The following RBM44 variants were observed in gnomAD, a reference collection of about 807,000 sequenced individuals.
RBM44 encodes the protein RNA binding motif protein 44.
In RBM44, 66 loss-of-function variants were observed where a neutral mutation model predicts 105.1. The observed-to-expected ratio is 0.63, with a 90% CI of 0.52 to 0.77. The LOEUF (loss-of-function observed/expected upper bound fraction) is 0.77, where lower values mean the gene tolerates loss of function less well. Ranked by LOEUF, RBM44 falls within the 30% of genes least tolerant of loss-of-function variation. RBM44 has a pLI of 0.00. For synonymous variants in RBM44, 365 were observed against 417.6 expected (o/e 0.87, Z 1.54); for missense variants, 1,122 against 1,207.8 (o/e 0.93, Z 1.05).
intron 1 of RBM44, among the ~76,000 whole-genome samples, chr2:237,813,168 A>G (rs1239921451): frequency 1.3e-5 from 2 of 152,134 alleles, no homozygotes; most frequent in Admixed American, 6.5e-5. Context: ...TACTTTCTCT[A>G]TATACATTTT....
chr2:237,806,424 A>G (rs1040543524), intron 1 of RBM44, among the ~76,000 whole-genome samples: 2 of 151,956 alleles, frequency 1.3e-5, no homozygotes, highest in African/African-American at 4.8e-5. Context: ...TGCTTTTTCT[A>G]GTTTCTTAAA....
intron 1 of RBM44, among the ~76,000 whole-genome samples, chr2:237,802,272 C>T (rs763580533): frequency 2.0e-5 from 3 of 152,206 alleles, no homozygotes; most frequent in Non-Finnish European, 2.9e-5. Context: ...CAACCCCCAG[C>T]CTGAGCTCTG....
Position 237,827,241 on chromosome 2 carries a change from T to C in RBM44, c.2450-9T>C, listed in dbSNP as rs1436641957. On this transcript the variant is annotated splice_polypyrimidine_tract_variant and intron_variant, in intron 10 of 15. Transcript: ENST00000316997. ...AGATCATTTCTGTTACATGTTTTTC[T>C]CTAAGCAGAAATGAAGAATGTTGAA... 4 of 1,484,526 alleles carry C rather than the reference T, an allele frequency of 2.7e-6. No homozygotes were observed. Among genetic ancestry groups the C allele is most frequent in the South Asian group, 1.2e-5 (1 of 82,944 alleles). The allele number at this position is 1,484,526 out of a possible 1,614,324, so 92.0% of individuals were successfully genotyped here.
Position 237,821,760 on chromosome 2 carries a change from C to A in RBM44, c.2138C>A (p.Ala713Asp), listed in dbSNP as rs2061793188. ...KETHVFSEAD[A>D]EQDNQRAHDV... ...CTTTTTAGCTTTTCAGAAGCAGATGCTGAACAAGATAATCAGAGGGCTCAT... is the reference window on the plus strand; with the variant it reads ...CTTTTTAGCTTTTCAGAAGCAGATGATGAACAAGATAATCAGAGGGCTCAT... Residue 713 changes from alanine to aspartate, a missense_variant, in exon 8 of 16, where the codon GCT (alanine) becomes GAT (aspartate). Around this residue, in one of 3 missense-constraint regions of RBM44, gnomAD observed 918 missense variants for 955.3 expected, o/e 0.96. Coordinates refer to ENST00000316997, the MANE Select transcript of RBM44 (RefSeq NM_001080504.3). The A allele has an allele frequency of 6.2e-7, 1 of 1,610,210 alleles. No homozygotes were observed. The highest frequency in any genetic ancestry group is 8.5e-7 in the Non-Finnish European group (1 of 1,177,378).
At chr2:237,807,393 G>T (rs541957973) in intron 1 of RBM44, among the ~76,000 whole-genome samples, 2 of 152,272 alleles carry the variant, frequency 1.3e-5, no homozygotes, top group East Asian at 3.9e-4. Context: ...TAAGTGATCT[G>T]CCACCTTGGC....
chr2:237,811,233 C>T (rs573277393), intron 1 of RBM44, among the ~76,000 whole-genome samples: 174 of 152,170 alleles, frequency 1.1e-3, no homozygotes, highest in African/African-American at 4.1e-3. Context: ...CTTATCCCTT[C>T]GATGCTTTAT....
chr2:237,808,446 T>A (rs1158665416), intron 1 of RBM44, among the ~76,000 whole-genome samples: 1 of 145,764 alleles, frequency 6.9e-6, no homozygotes, highest in East Asian at 2.0e-4. Context: ...CAAGGCCCTG[T>A]CCCCTCACCC....
chr2:237,816,566 T>C (rs1365401436), intron 2 of RBM44, among the ~76,000 whole-genome samples: 3 of 152,130 alleles, frequency 2.0e-5, no homozygotes, highest in Non-Finnish European at 4.4e-5. Flanking sequence ...TATTTTCTCA[T>C]AGTTTTGGAG....
At position 237,817,859 on chromosome 2, in the gene RBM44, G is replaced by T. The variant is rs535325307; in HGVS notation, c.940G>T (p.Gly314Cys). 6.2e-7 allele frequency: 1 copy of T among 1,610,524 alleles called. No individual in the cohort carries two copies. The highest frequency in any genetic ancestry group is 2.2e-5 in the East Asian group (1 of 44,822). Residue 314 changes from glycine (G) to cysteine (C), a missense_variant, in exon 3 of 16, where the codon GGT (glycine) becomes TGT (cysteine). By Grantham distance (159) the Gly-to-Cys change is radical (BLOSUM62 -3). This residue lies in a region of RBM44 where 918 missense variants were observed against 955.3 expected (regional missense o/e 0.96). Coordinates refer to ENST00000316997, the MANE Select transcript of RBM44 (RefSeq NM_001080504.3). Reference sequence around the variant, plus strand: ...AAACCAGGAATCTCAATCTAAGAGTGGTTCCTTGAGCCCTCAAAAAGTATT... The same window carrying T: ...AAACCAGGAATCTCAATCTAAGAGTTGTTCCTTGAGCCCTCAAAAAGTATT... ...PGNQESQSKS[G>C]SLSPQKVLKM...
chr2:237,826,951 A>T (rs2061853685), intron 10 of RBM44, among the ~76,000 whole-genome samples: 1 of 152,148 alleles, frequency 6.6e-6, no homozygotes, highest in African/African-American at 2.4e-5. Flanking sequence ...ATACTGAGGG[A>T]CAACAATTAC....
intron 1 of RBM44, among the ~76,000 whole-genome samples, chr2:237,810,176 A>G (rs1432931832): frequency 2.0e-5 from 3 of 152,240 alleles, no homozygotes; most frequent in Non-Finnish European, 1.5e-5. Flanking sequence ...CACCTACAGA[A>G]CATCTCAATT....
rs780466978 is a variant in RBM44 at position 237,834,054 on chromosome 2, G to A, written c.2944G>A (p.Val982Ile). The A allele has an allele frequency of 5.7e-5, 89 of 1,575,062 alleles. No individual in the cohort carries two copies. The highest frequency in any genetic ancestry group is 1.7e-4 in the Middle Eastern group (1 of 5,968). ...TGCTAAATTATTACCTGATACACCCGTTCAATTCATACCTCCAAATACATT... is the reference window on the plus strand; with the variant it reads ...TGCTAAATTATTACCTGATACACCCATTCAATTCATACCTCCAAATACATT... The part of the protein sequence containing the change: ...ESAKLLPDTP[V>I]QFIPPNTLNL... Residue 982 changes from valine to isoleucine, a missense_variant, in exon 14 of 16, where the codon GTT becomes ATT. Coordinates refer to ENST00000316997, the MANE Select transcript of RBM44 (RefSeq NM_001080504.3).
In RBM44 at chr2:237,821,347, T is replaced by C; in HGVS notation, c.2099T>C (p.Leu700Pro). ...LSTFSTFASR[L>P]MKKETHVFSE... ...TTTTTTCCTTTTCTCTCCTTCCAGC[T>C]AATGAAAAAAGAAACACATGTGTGA... Residue 700 changes from leucine to proline, a missense_variant and splice_region_variant, in exon 7 of 16, where the codon CTA (leucine) becomes CCA (proline). By Grantham distance (98) the Leu-to-Pro change is moderately conservative. Coordinates refer to ENST00000316997, the MANE Select transcript of RBM44 (RefSeq NM_001080504.3). 1 of 1,562,926 alleles carries C rather than the reference T, an allele frequency of 6.4e-7. No homozygotes were observed. Among genetic ancestry groups the C allele is most frequent in the Admixed American group, 1.9e-5 (1 of 52,740 alleles).
chr2:237,840,321 G>C (rs2062000171), intron 15 of RBM44, among the ~76,000 whole-genome samples: 1 of 151,788 alleles, frequency 6.6e-6, no homozygotes, highest in South Asian at 2.1e-4. Context: ...ATGGAGAAAG[G>C]ACTCCCTATT....
In RBM44 at chr2:237,816,134, A is replaced by G. The variant is rs1265554928; in HGVS notation, c.74-859A>G. Among the ~76,000 whole-genome samples, 3 of 152,326 alleles carry G rather than the reference A, an allele frequency of 2.0e-5. 1 individual carries two copies. The highest frequency in any genetic ancestry group is 4.1e-4 in the South Asian group (2 of 4,830). Reference sequence around the variant, plus strand: ...TGTACTTGCGTTGGATTTGCCTAAAATAATTTTGTCTATTTTGTTTCAAAA... The same window carrying G: ...TGTACTTGCGTTGGATTTGCCTAAAGTAATTTTGTCTATTTTGTTTCAAAA... On this transcript the variant is annotated intron_variant, in intron 2 of 15. Transcript: ENST00000316997.
At chr2:237,821,313 A>G (rs377588272) in intron 6 of RBM44, 33 bp from the exon 7 acceptor site, 1 of 1,561,084 alleles carries the variant, frequency 6.4e-7, no homozygotes, top group South Asian at 1.2e-5. Flanking sequence ...AACATTTTAA[A>G]CAAAGATTTT....
Position 237,842,724 on chromosome 2 carries a change from A to G in RBM44, c.*908A>G, listed in dbSNP as rs536103770. On this transcript the variant is annotated 3_prime_UTR_variant, in exon 16 of 16. Transcript: ENST00000316997. ...TAAATGTTTATAGCATTCAATGTGT[A>G]GTTGGATTTACTTGACTAAAAATTA... is the stretch of plus-strand genomic sequence containing the variant. The G allele has an allele frequency of 3.9e-5, 6 of 152,082 alleles. No homozygotes were observed. Among genetic ancestry groups the G allele is most frequent in the Non-Finnish European group, 7.4e-5 (5 of 67,924 alleles). The allele number at this position is 152,082 out of a possible 1,614,324, so 9.4% of individuals were successfully genotyped here.
At chr2:237,828,340 CAT>C (rs1442776647) in intron 12 of RBM44, among the ~76,000 whole-genome samples, 4 of 151,986 alleles carry the variant, frequency 2.6e-5, no homozygotes, top group Admixed American at 2.6e-4. Flanking sequence ...TAAATGAAGT[CAT>C]ATAATTGTAA....
Position 237,827,495 on chromosome 2 carries a change from T to C in RBM44, c.2592T>C (p.Thr864=). 1 of 1,491,184 alleles carries C rather than the reference T, an allele frequency of 6.7e-7. No homozygotes were observed. The highest frequency in any genetic ancestry group is 9.1e-7 in the Non-Finnish European group (1 of 1,094,070). The allele number at this position is 1,491,184 out of a possible 1,614,324, so 92.4% of individuals were successfully genotyped here. Residue 864 remains threonine (T), a synonymous_variant, in exon 12 of 16, where the codon ACT becomes ACC. Coordinates refer to ENST00000316997, the MANE Select transcript of RBM44 (RefSeq NM_001080504.3). Reference sequence around the variant, plus strand: ...CTGAAATTTCAATTTATGATTCTACTAATTACAGGTGTGTTTCCCAACTTT... The same window carrying C: ...CTGAAATTTCAATTTATGATTCTACCAATTACAGGTGTGTTTCCCAACTTT... ...QVSEISIYDS[T]NYRYASLAFT...
Sources: allele counts gnomAD v4.1 joint callset (sites outside exome capture counted in the v4.1 genomes callset), GRCh38; gene constraint gnomAD v4.1.1; regional missense constraint gnomAD v4.1.1; transcripts MANE v1.5; gene names NCBI Gene and HGNC (gene_info 2026-07-23, HGNC 2026-07-21).